The following PHACTR1 variants were observed in gnomAD, a reference collection of about 807,000 sequenced individuals.
The protein encoded by PHACTR1 is RPEL repeat containing 1.
A neutral mutation model predicts 69.2 loss-of-function variants in PHACTR1; 16 were observed. The ratio of observed to expected loss-of-function variants is 0.23; its 90% CI spans 0.16 to 0.35. The LOEUF (loss-of-function observed/expected upper bound fraction) is 0.35. Ranked by LOEUF, PHACTR1 falls within the 10% of genes least tolerant of loss-of-function variation. The pLI, the probability that PHACTR1 is intolerant of heterozygous loss-of-function variation, is 1.00. For missense variants in PHACTR1, 510 were observed against 734.7 expected (o/e 0.69, Z 3.54); for synonymous variants, 312 against 284.5 (o/e 1.10, Z -0.97).
intron 4 of PHACTR1, among the ~76,000 whole-genome samples, chr6:12,915,978 G>T (rs1360530865): frequency 1.3e-5 from 2 of 152,024 alleles, no homozygotes; most frequent in Admixed American, 1.3e-4. Flanking sequence ...AAAACCTCTG[G>T]TACCTGATCA....
chr6:12,778,818 T>C (rs1561873694), intron 4 of PHACTR1, among the ~76,000 whole-genome samples: 1 of 152,204 alleles, frequency 6.6e-6, no homozygotes, highest in Non-Finnish European at 1.5e-5. Context: ...AAATGCAGTT[T>C]GATTTTTCTG....
intron 4 of PHACTR1, among the ~76,000 whole-genome samples, chr6:12,802,421 G>A (rs1452135636): frequency 6.6e-6 from 1 of 151,866 alleles, no homozygotes; most frequent in Admixed American, 6.6e-5. Flanking sequence ...TATATAATTA[G>A]GCTAAAATAA....
intron 5 of PHACTR1, among the ~76,000 whole-genome samples, chr6:13,091,481 C>G (rs771915772): frequency 2.5e-4 from 38 of 152,230 alleles, no homozygotes; most frequent in Middle Eastern, 6.8e-3. Flanking sequence ...GCAGCGGTCC[C>G]CAGCTTTTTT....
At chr6:12,978,468 G>T (rs891399207) in intron 4 of PHACTR1, among the ~76,000 whole-genome samples, 11 of 152,120 alleles carry the variant, frequency 7.2e-5, no homozygotes, top group African/African-American at 2.4e-4. Flanking sequence ...CTGCTGCCCT[G>T]CTCTGCCTCC....
chr6:12,918,387 G>T (rs912874141), intron 4 of PHACTR1, among the ~76,000 whole-genome samples: 1 of 152,054 alleles, frequency 6.6e-6, no homozygotes. Context: ...ACACATATCC[G>T]TATACTTCAA....
chr6:12,988,043 G>A (rs1796399300), intron 4 of PHACTR1, among the ~76,000 whole-genome samples: 1 of 152,248 alleles, frequency 6.6e-6, no homozygotes, highest in Admixed American at 6.5e-5. Flanking sequence ...TGTGGCTGTG[G>A]GAACAGTCAA....
chr6:13,287,029 C>T (rs552043743), intron 14 of PHACTR1, 34 bp from the exon 15 acceptor site: 1 of 1,604,118 alleles, frequency 6.2e-7, no homozygotes, highest in East Asian at 2.2e-5. Context: ...CTTTGGCAGC[C>T]CCTTGGTCTT....
At chr6:13,188,261 A>G (rs10948524) in intron 7 of PHACTR1, among the ~76,000 whole-genome samples, 34,543 of 152,170 alleles carry the variant, frequency 0.23, 5,138 homozygotes, top group East Asian at 0.55. Flanking sequence ...CTTAAACTCA[A>G]TTAGACTTGC....
At chr6:12,866,651 C>T (rs758114467) in intron 4 of PHACTR1, among the ~76,000 whole-genome samples, 4 of 152,200 alleles carry the variant, frequency 2.6e-5, no homozygotes, top group Non-Finnish European at 4.4e-5. Flanking sequence ...TCACAACGTA[C>T]CATTTATATT....
At chr6:13,280,267 T>TC (rs751599568) in intron 12 of PHACTR1, 1 of 152,476 alleles carries the variant, frequency 6.6e-6, no homozygotes, top group Non-Finnish European at 1.5e-5. Context: ...TGCTCACCTC[T>TC]CCTTTCTTCT....
chr6:12,843,067 T>A (rs992697233), intron 4 of PHACTR1, among the ~76,000 whole-genome samples: 1 of 152,198 alleles, frequency 6.6e-6, no homozygotes. Flanking sequence ...TTTGAGTTGA[T>A]GTTTTGATGG....
At chr6:13,224,068 C>T (rs1769141983) in intron 8 of PHACTR1, among the ~76,000 whole-genome samples, 1 of 152,144 alleles carries the variant, frequency 6.6e-6, no homozygotes, top group Admixed American at 6.5e-5. Context: ...GTCATTCCAG[C>T]CCATATTTAT....
At chr6:13,207,875 G>A (rs112592003) in intron 8 of PHACTR1, among the ~76,000 whole-genome samples, 130 of 152,146 alleles carry the variant, frequency 8.5e-4, no homozygotes, top group Admixed American at 1.8e-3. Flanking sequence ...CGGGAGCTTC[G>A]GGTTGTGTTT....
At chr6:13,021,632 T>TC (rs913222521) in intron 4 of PHACTR1, among the ~76,000 whole-genome samples, 2 of 152,072 alleles carry the variant, frequency 1.3e-5, no homozygotes, top group Admixed American at 6.6e-5. Flanking sequence ...CCATTTTACA[T>TC]CCCCCCAGCA....
rs1773619809 is a variant in PHACTR1 at position 13,246,636 on chromosome 6, G to T, written c.1391+16443G>T. Among the ~76,000 whole-genome samples, 1 of 152,104 alleles carries T rather than the reference G, an allele frequency of 6.6e-6. No homozygotes were observed. The highest frequency in any genetic ancestry group is 2.1e-4 in the South Asian group (1 of 4,834). On this transcript the variant is annotated intron_variant, in intron 10 of 14. Transcript: ENST00000332995. The surrounding 1 kb of genome is among the most constrained non-coding windows in gnomAD (Gnocchi z 4.2). Reference sequence around the variant, plus strand: ...GCATTTCCAGTCTATAATTTCCATTGCATATAGTGCTCTTTCTCCCTCACC... The same window carrying T: ...GCATTTCCAGTCTATAATTTCCATTTCATATAGTGCTCTTTCTCCCTCACC...
At chr6:13,087,333 T>C (rs1209667417) in intron 5 of PHACTR1, among the ~76,000 whole-genome samples, 2 of 151,548 alleles carry the variant, frequency 1.3e-5, no homozygotes, top group Non-Finnish European at 2.9e-5. Flanking sequence ...CAAATTTTTC[T>C]AGAAAATGAA....
intron 10 of PHACTR1, among the ~76,000 whole-genome samples, chr6:13,241,896 G>T (rs550817412): frequency 6.6e-6 from 1 of 151,790 alleles, no homozygotes; most frequent in Non-Finnish European, 1.5e-5. Context: ...AGCCAGGTGT[G>T]GTGGCACAGG....
chr6:13,146,999 T>G (rs908094027), intron 5 of PHACTR1, among the ~76,000 whole-genome samples: 1 of 152,188 alleles, frequency 6.6e-6, no homozygotes, highest in Non-Finnish European at 1.5e-5. Context: ...CATCAACACT[T>G]TCATCACATG....
intron 4 of PHACTR1, among the ~76,000 whole-genome samples, chr6:13,002,172 A>T (rs1798170131): frequency 6.6e-6 from 1 of 152,222 alleles, no homozygotes; most frequent in African/African-American, 2.4e-5. Context: ...GCACAGTGGC[A>T]CATTGCTCAT....
Sources: gnomAD v4.1 joint callset for allele counts (sites outside exome capture counted in the v4.1 genomes callset) on GRCh38, gnomAD v4.1.1 for gene constraint, Gnocchi (gnomAD v3.1) non-coding constraint, MANE v1.5 for transcripts, NCBI Gene and HGNC (gene_info 2026-07-23, HGNC 2026-07-21) for gene names.